The following RBFOX3 variants were observed in gnomAD, a reference collection of about 807,000 sequenced individuals.
The protein encoded by RBFOX3 is RNA binding fox-1 homolog 3.
In RBFOX3, 17 loss-of-function variants were observed where a neutral mutation model predicts 48.7. That is an observed-to-expected ratio of 0.35 (90% CI 0.24 to 0.52). The LOEUF (loss-of-function observed/expected upper bound fraction) is 0.52, where lower values mean the gene tolerates loss of function less well. Among genes scored for constraint, RBFOX3 ranks in the 20% least tolerant of loss-of-function variants. The probability of loss-of-function intolerance (pLI) is 0.94; values close to 1 mark genes in which losing one functional copy is unlikely to be tolerated. For synonymous variants in RBFOX3, 212 were observed against 209.5 expected, an observed-to-expected ratio of 1.01 and a Z score of -0.10; for missense variants, 382 against 497.5, an observed-to-expected ratio of 0.77 and a Z score of 2.21.
chr17:79,145,203 C>T (rs1476367237), intron 4 of RBFOX3, among the ~76,000 whole-genome samples: 3 of 152,168 alleles, frequency 2.0e-5, no homozygotes, highest in Non-Finnish European at 2.9e-5. Flanking sequence ...TCAGCCAGGA[C>T]CCCCAACACA....
At chr17:79,209,879 C>T (rs2058122266) in intron 4 of RBFOX3, among the ~76,000 whole-genome samples, 1 of 152,006 alleles carries the variant, frequency 6.6e-6, no homozygotes. Flanking sequence ...CGCCTGTAGT[C>T]CCAGCTACTT....
At chr17:79,401,462 G>C (rs1451335515) in intron 2 of RBFOX3, among the ~76,000 whole-genome samples, 1 of 152,258 alleles carries the variant, frequency 6.6e-6, no homozygotes, top group African/African-American at 2.4e-5. Context: ...AGACCACCTT[G>C]AGAGAGTCTG....
rs561979351 is a variant in RBFOX3, at chr17:79,362,979, C to G, written c.-174-55155G>C. Among the ~76,000 whole-genome samples the G allele has an allele frequency of 6.6e-6, 1 of 152,302 alleles. No individual in the cohort carries two copies. Among genetic ancestry groups the G allele is most frequent in the East Asian group, 1.9e-4 (1 of 5,178 alleles). Reference sequence around the variant, plus strand: ...GTCCAGGACCCCTCTAGGGTTGGAGCGGGGTAAGCCCCAGAATATCTCACA... The same window carrying G: ...GTCCAGGACCCCTCTAGGGTTGGAGGGGGGTAAGCCCCAGAATATCTCACA... On this transcript the variant is annotated intron_variant, in intron 2 of 14. Transcript: ENST00000693108. This position sits in a 1 kb window ranked among gnomAD's most constrained non-coding sequence, Gnocchi z 4.2.
At position 79,516,749 on chromosome 17, in the gene RBFOX3, T is replaced by C. The variant is rs921058364; in HGVS notation, c.-319-34151A>G. Reference sequence around the variant, plus strand: ...GCACGCTGGAGCAACACACTGTGCATGGATGGATGGACGGACAGACGGATG... The same window carrying C: ...GCACGCTGGAGCAACACACTGTGCACGGATGGATGGACGGACAGACGGATG... On this transcript the variant is annotated intron_variant, in intron 1 of 14. Coordinates refer to ENST00000693108, the MANE Select transcript of RBFOX3 (RefSeq NM_001350451.2). Among the ~76,000 whole-genome samples, 787 of 152,260 alleles carry C rather than the reference T, an allele frequency of 5.2e-3. 7 individuals carry two copies. The highest frequency in any genetic ancestry group is 0.018 in the African/African-American group (743 of 41,546).
chr17:79,232,734 A>T (rs2061182085), intron 4 of RBFOX3, among the ~76,000 whole-genome samples: 1 of 152,268 alleles, frequency 6.6e-6, no homozygotes, highest in East Asian at 1.9e-4. Context: ...CAAAGAAGAC[A>T]TAATAAATGC....
At chr17:79,491,088 C>A (rs1279236606) in intron 1 of RBFOX3, among the ~76,000 whole-genome samples, 1 of 1,372 alleles carries the variant, frequency 7.3e-4, no homozygotes, top group Non-Finnish European at 1.2e-3. Flanking sequence ...CGAGGGGAGG[C>A]GAGGGGAGGG....
chr17:79,101,630 C>G lies in RBFOX3; in HGVS notation c.522G>C (p.Thr174=), dbSNP rs776142495. 1 of 1,551,254 alleles carries G rather than the reference C, an allele frequency of 6.4e-7. No homozygotes were observed. The highest frequency in any genetic ancestry group is 8.7e-7 in the Non-Finnish European group (1 of 1,146,916). ...TCTTCTTGTTGGTCATCACTCGGGC[C>G]GTGGCATTATTGACCTGTTCAAAGA... ...EGRKIEVNNA[T]ARVMTNKKTG... The change falls in exon 9 of 15, where the codon ACG becomes ACC. Residue 174 remains threonine, a synonymous_variant. Transcript: ENST00000693108.
intron 3 of RBFOX3, among the ~76,000 whole-genome samples, chr17:79,306,182 C>T (rs1321453680): frequency 2.6e-5 from 4 of 152,252 alleles, no homozygotes; most frequent in Admixed American, 1.3e-4. Context: ...TGAGCCTCAG[C>T]TCTGCCAGTT....
At chr17:79,587,921 T>G (rs1434149707) in intron 1 of RBFOX3, among the ~76,000 whole-genome samples, 1 of 152,144 alleles carries the variant, frequency 6.6e-6, no homozygotes, top group Admixed American at 6.5e-5. Context: ...ACTGCAACCT[T>G]GAACTCCTGG....
At chr17:79,189,263 A>G (rs1469069321) in intron 4 of RBFOX3, among the ~76,000 whole-genome samples, 1 of 152,222 alleles carries the variant, frequency 6.6e-6, no homozygotes, top group Non-Finnish European at 1.5e-5. Context: ...CCCATTCGAT[A>G]TATGATGACC....
intron 10 of RBFOX3, 32 bp from the exon 11 acceptor site, chr17:79,097,456 G>A (rs1380884988): frequency 2.0e-6 from 3 of 1,519,382 alleles, no homozygotes; most frequent in Middle Eastern, 2.2e-4. Context: ...ACACGTGTGA[G>A]AGGCACAAGG....
rs1407701171 is a variant in RBFOX3 at position 79,205,628 on chromosome 17, C to T, written c.-34+30138G>A. ...CCCCATCCTATCCTTGTTCAATTCA[C>T]CTACAAAACAGAACCCTACAAAAAC... is the stretch of plus-strand genomic sequence containing the variant. On this transcript the variant is annotated intron_variant, in intron 4 of 14. Transcript: ENST00000693108. The surrounding 1 kb of genome is among the most constrained non-coding windows in gnomAD (Gnocchi z 4.5). Among the ~76,000 whole-genome samples the T allele has an allele frequency of 1.3e-5, 2 of 152,140 alleles. No homozygotes were observed. Among genetic ancestry groups the T allele is most frequent in the Non-Finnish European group, 2.9e-5 (2 of 68,028 alleles).
At chr17:79,114,625 C>T (rs988251288) in intron 5 of RBFOX3, among the ~76,000 whole-genome samples, 59 of 152,358 alleles carry the variant, frequency 3.9e-4, no homozygotes, top group African/African-American at 1.3e-3. Flanking sequence ...TTGGGAGCCG[C>T]CGGGGCGGTG....
At chr17:79,454,569 C>G (rs182189228) in intron 2 of RBFOX3, among the ~76,000 whole-genome samples, 16 of 152,322 alleles carry the variant, frequency 1.1e-4, no homozygotes, top group African/African-American at 3.1e-4. Context: ...GGGGTCCACT[C>G]ACTCTTGGAC....
chr17:79,518,836 C>T (rs970957852), intron 1 of RBFOX3, among the ~76,000 whole-genome samples: 18 of 152,250 alleles, frequency 1.2e-4, no homozygotes, highest in South Asian at 2.1e-4. Flanking sequence ...CACAGAGGCT[C>T]GCTCCAGCTT....
intron 14 of RBFOX3, among the ~76,000 whole-genome samples, chr17:79,091,096 C>T (rs1232903631): frequency 2.6e-5 from 4 of 152,194 alleles, no homozygotes; most frequent in African/African-American, 9.6e-5. Flanking sequence ...GGAGGAGACA[C>T]CTGGGGCCCT....
intron 4 of RBFOX3, among the ~76,000 whole-genome samples, chr17:79,197,188 A>G (rs1349519716): frequency 1.3e-5 from 1 of 77,844 alleles, no homozygotes; most frequent in East Asian, 5.5e-4. Context: ...TGCAGACATA[A>G]GAGGCATCCT....
intron 1 of RBFOX3, among the ~76,000 whole-genome samples, chr17:79,513,234 A>G (rs2084748999): frequency 6.6e-6 from 1 of 151,910 alleles, no homozygotes; most frequent in African/African-American, 2.4e-5. Flanking sequence ...GATACATGTT[A>G]CCATCAGGTA....
Position 79,252,233 on chromosome 17 carries a change from A to G in RBFOX3, c.-73-16428T>C, listed in dbSNP as rs980448135. 6.6e-6 allele frequency among the ~76,000 whole-genome samples: 1 copy of G among 151,964 alleles called. No homozygotes were observed. Among genetic ancestry groups the G allele is most frequent in the African/African-American group, 2.4e-5 (1 of 41,360 alleles). On this transcript the variant is annotated intron_variant, in intron 3 of 14. Coordinates refer to ENST00000693108, the MANE Select transcript of RBFOX3 (RefSeq NM_001350451.2). This position sits in a 1 kb window ranked among gnomAD's most constrained non-coding sequence, Gnocchi z 4.0. The stretch of plus-strand genomic sequence containing the variant: ...AGGCAACTTCAGAGGTCTGGCTTCA[A>G]CCCGCACCCTGATGCCAGCAATGCC...
Sources: allele counts gnomAD v4.1 joint callset (sites outside exome capture counted in the v4.1 genomes callset), GRCh38; gene constraint gnomAD v4.1.1; non-coding constraint Gnocchi (gnomAD v3.1); transcripts MANE v1.5; gene names NCBI Gene and HGNC (gene_info 2026-07-23, HGNC 2026-07-21).